Variants in TTPAL observed in about 807,000 individuals in gnomAD.
TTPAL encodes alpha-tocopherol transfer protein-like.
Under a neutral mutation model 28.7 loss-of-function variants are expected in TTPAL, and 21 were observed. The observed-to-expected ratio is 0.73, with a 90% CI of 0.52 to 1.06. The LOEUF (loss-of-function observed/expected upper bound fraction) is 1.06. Among genes scored for constraint, TTPAL ranks in the 50% least tolerant of loss-of-function variants. The pLI, the probability that TTPAL is intolerant of heterozygous loss-of-function variation, is 0.00. For synonymous variants in TTPAL, 169 were observed against 171.9 expected (o/e 0.98, Z 0.13); for missense variants, 345 against 425.5 (o/e 0.81, Z 1.67).
At chr20:44,485,245 ATGTTC>A (rs2064141393) in intron 3 of TTPAL, among the ~76,000 whole-genome samples, 2 of 152,080 alleles carry the variant, frequency 1.3e-5, no homozygotes, top group African/African-American at 4.8e-5. Context: ...TTCACACCTC[ATGTTC>A]TGTGTTTCAG....
At position 44,480,102 on chromosome 20, in the gene TTPAL, C is replaced by T. The variant is rs1347150415; in HGVS notation, c.103C>T (p.Leu35=). 1.2e-6 allele frequency: 2 copies of T among 1,614,210 alleles called. No individual in the cohort carries two copies. Among genetic ancestry groups the T allele is most frequent in the Non-Finnish European group, 1.7e-6 (2 of 1,180,044 alleles). ...PPEPPGYVCS[L]TEDLVTKARE... is the part of the protein sequence containing the mutation. ...TGAGCCTCCGGGCTATGTGTGCTCA[C>T]TGACAGAAGACCTGGTCACCAAAGC... The change falls in exon 2 of 5, where the codon CTG becomes TTG. Residue 35 remains leucine (L), a synonymous_variant. Coordinates refer to ENST00000262605, the MANE Select transcript of TTPAL (RefSeq NM_001039199.3). This position sits in a 1 kb window ranked among gnomAD's most constrained non-coding sequence, Gnocchi z 4.1.
intron 1 of TTPAL, among the ~76,000 whole-genome samples, chr20:44,478,867 G>A (rs73613499): frequency 0.013 from 1,983 of 152,244 alleles, 19 homozygotes; most frequent in East Asian, 0.062. Context: ...TCGGCTCACT[G>A]CAAGCTCTGC....
chr20:44,489,345 C>G lies in TTPAL; in HGVS notation c.833C>G (p.Ala278Gly), dbSNP rs59069332. 5,472 of 1,614,114 alleles carry G rather than the reference C, an allele frequency of 3.4e-3. 156 individuals carry two copies. The African/African-American group carries it at 0.065, about 19-fold the overall frequency. Residue 278 changes from alanine (A) to glycine (G), a missense_variant, in exon 5 of 5, where the codon GCT becomes GGT. By Grantham distance (60) the Ala-to-Gly change is moderately conservative. Coordinates refer to ENST00000262605, the MANE Select transcript of TTPAL (RefSeq NM_001039199.3). ...CTCCCCAAGGAGTATGGGGGCACGG[C>G]TGGGGAGCTGGACACTGCCACCTGG... ...SILPKEYGGT[A>G]GELDTATWNA...
chr20:44,478,660 T>C (rs1283704763), intron 1 of TTPAL: 2 of 152,282 alleles, frequency 1.3e-5, no homozygotes, highest in Non-Finnish European at 2.9e-5. Context: ...AAGTTTCTTA[T>C]ATCTCTTTCC....
Position 44,489,670 on chromosome 20 carries a change from G to T in TTPAL, c.*129G>T. On this transcript the variant is annotated 3_prime_UTR_variant, in exon 5 of 5. Coordinates refer to ENST00000262605, the MANE Select transcript of TTPAL (RefSeq NM_001039199.3). ...AAACTGCAGGATGGAGGAACAGCCT[G>T]AGATATGAGCATGAGCCCATTTTGG... 1 of 1,068,290 alleles carries T rather than the reference G, an allele frequency of 9.4e-7. No homozygotes were observed. The highest frequency in any genetic ancestry group is 1.3e-6 in the Non-Finnish European group (1 of 762,560). The allele number at this position is 1,068,290 out of a possible 1,614,324, so 66.2% of individuals were successfully genotyped here.
In TTPAL at chr20:44,488,480, T is replaced by C. The variant is rs192118459; in HGVS notation, c.751-783T>C. On this transcript the variant is annotated intron_variant, in intron 4 of 4. Coordinates refer to ENST00000262605, the MANE Select transcript of TTPAL (RefSeq NM_001039199.3). The stretch of plus-strand genomic sequence containing the variant: ...GATGAACAAAACAGACCAAAACCCC[T>C]GCCCCTAGGAAAATTATATTCTAAA... Among the ~76,000 whole-genome samples, 140 of 152,244 alleles carry C rather than the reference T, an allele frequency of 9.2e-4. 1 individual carries two copies. Among genetic ancestry groups the C allele is most frequent in the Non-Finnish European group, 5.3e-4 (36 of 68,008 alleles).
Position 44,484,472 on chromosome 20 carries a change from T to C in TTPAL, c.581T>C (p.Leu194Ser). Residue 194 changes from leucine to serine, a missense_variant, in exon 3 of 5, where the codon TTA becomes TCA. Physicochemically the swap from Leu to Ser is moderately radical, Grantham distance 145 (BLOSUM62 -2). Coordinates refer to ENST00000262605, the MANE Select transcript of TTPAL (RefSeq NM_001039199.3). ...VILADYKGVS[L>S]SKASHFGPFI... The stretch of plus-strand genomic sequence containing the variant: ...CTTGCAGACTACAAAGGAGTGAGTT[T>C]ATCAAAAGCATCTCACTTTGGCCCT... The C allele has an allele frequency of 2.5e-6, 4 of 1,596,726 alleles. No individual in the cohort carries two copies. The highest frequency in any genetic ancestry group is 3.4e-6 in the Non-Finnish European group (4 of 1,165,710).
In TTPAL at chr20:44,490,026, G is replaced by A. The variant is rs912430871; in HGVS notation, c.*485G>A. On this transcript the variant is annotated 3_prime_UTR_variant, in exon 5 of 5. Coordinates refer to ENST00000262605, the MANE Select transcript of TTPAL (RefSeq NM_001039199.3). ...GTTTTTCACAGGAACCCTAAGTATA[G>A]ACCTCTGCTGCTCATCAGGAAACTT... 6.1e-6 allele frequency: 1 copy of A among 163,600 alleles called. No homozygotes were observed. Among genetic ancestry groups the A allele is most frequent in the African/African-American group, 2.4e-5 (1 of 41,562 alleles). The allele number at this position is 163,600 out of a possible 1,614,324, so 10.1% of individuals were successfully genotyped here.
At chr20:44,486,545 G>T in intron 3 of TTPAL, 51 bp from the exon 4 acceptor site, 1 of 1,077,440 alleles carries the variant, frequency 9.3e-7, no homozygotes, top group Non-Finnish European at 1.4e-6. Flanking sequence ...GGGGAGGAAG[G>T]TGTGGAAAGA....
Position 44,480,280 on chromosome 20 carries a change from G to A in TTPAL, c.281G>A (p.Arg94Gln), listed in dbSNP as rs2064090996. 3 of 1,614,034 alleles carry A rather than the reference G, an allele frequency of 1.9e-6. No homozygotes were observed. The highest frequency in any genetic ancestry group is 1.3e-5 in the African/African-American group (1 of 74,920). Residue 94 changes from arginine (R) to glutamine (Q), a missense_variant, in exon 2 of 5, where the codon CGG becomes CAG. Transcript: ENST00000262605. The surrounding 1 kb of genome is among the most constrained non-coding windows in gnomAD (Gnocchi z 4.1). ...FLRARKFDYD[R>Q]ALQLLVNYHS... ...CGAGCCCGCAAGTTTGATTACGACCGGGCCCTGCAGCTCCTCGTCAACTAC... is the reference window on the plus strand; with the variant it reads ...CGAGCCCGCAAGTTTGATTACGACCAGGCCCTGCAGCTCCTCGTCAACTAC...
In TTPAL at chr20:44,489,447, T is replaced by C; in HGVS notation, c.935T>C (p.Leu312Pro). 1 of 1,614,238 alleles carries C rather than the reference T, an allele frequency of 6.2e-7. No homozygotes were observed. Among genetic ancestry groups the C allele is most frequent in the East Asian group, 2.2e-5 (1 of 44,886 alleles). Reference protein sequence around the residue: ...CQPVPACDSILGQTLLPEGLT... With the variant: ...CQPVPACDSIPGQTLLPEGLT... ...CCTGTTCCTGCCTGTGACAGCATCC[T>C]GGGCCAGACGCTGCTGCCCGAGGGC... Residue 312 changes from leucine (L) to proline (P), a missense_variant, in exon 5 of 5, where the codon CTG (leucine) becomes CCG (proline). Leu to Pro is a moderately conservative substitution (Grantham distance 98). Transcript: ENST00000262605.
At chr20:44,476,419 T>C (rs2064044215) in intron 1 of TTPAL, among the ~76,000 whole-genome samples, 2 of 151,942 alleles carry the variant, frequency 1.3e-5, no homozygotes, top group African/African-American at 4.8e-5. Context: ...AGGTGGAGGG[T>C]ACAGATTAGA....
intron 3 of TTPAL, 191 bp from the exon 4 acceptor site, chr20:44,486,405 A>G (rs1210853665): frequency 4.2e-6 from 2 of 478,020 alleles, no homozygotes; most frequent in Non-Finnish European, 7.4e-6. Flanking sequence ...CTTCTAACCC[A>G]GTTTTGGGTC....
intron 2 of TTPAL, among the ~76,000 whole-genome samples, chr20:44,482,094 GT>G (rs905744482): frequency 3.3e-5 from 5 of 152,038 alleles, no homozygotes; most frequent in Non-Finnish European, 7.4e-5. Context: ...ACACAGAAAG[GT>G]TTCTTCTCAA....
In TTPAL at chr20:44,490,551, AAG is replaced by A. The variant is rs1188073344; in HGVS notation, c.*1016_*1017del. On this transcript the variant is annotated 3_prime_UTR_variant, in exon 5 of 5. Coordinates refer to ENST00000262605, the MANE Select transcript of TTPAL (RefSeq NM_001039199.3). ...TTGTTTGTGGTACATGTGTCTTTCC[AAG>A]AGAGATGTGTCACCAATTAGCCCTG... 2.0e-5 allele frequency: 3 copies of A among 152,336 alleles called. No homozygotes were observed. The highest frequency in any genetic ancestry group is 4.4e-5 in the Non-Finnish European group (3 of 68,032). 9.4% of individuals were successfully genotyped at this position (152,336 alleles called of 1,614,324 possible).
intron 2 of TTPAL, among the ~76,000 whole-genome samples, chr20:44,481,037 C>T (rs562096167): frequency 3.3e-5 from 5 of 152,216 alleles, no homozygotes; most frequent in African/African-American, 1.2e-4. Flanking sequence ...GGTATCAGTG[C>T]AAGGGTGCGG....
At position 44,489,351 on chromosome 20, in the gene TTPAL, A is replaced by T. The variant is rs1364378331; in HGVS notation, c.839A>T (p.Glu280Val). ...AAGGAGTATGGGGGCACGGCTGGGG[A>T]GCTGGACACTGCCACCTGGAACGCG... ...LPKEYGGTAG[E>V]LDTATWNAVL... The change falls in exon 5 of 5, where the codon GAG becomes GTG. Residue 280 changes from glutamate (E) to valine (V), a missense_variant. Transcript: ENST00000262605. 1 of 1,613,946 alleles carries T rather than the reference A, an allele frequency of 6.2e-7. No individual in the cohort carries two copies. The highest frequency in any genetic ancestry group is 8.5e-7 in the Non-Finnish European group (1 of 1,180,010).
chr20:44,488,123 G>A (rs1038946880), intron 4 of TTPAL, among the ~76,000 whole-genome samples: 5 of 152,150 alleles, frequency 3.3e-5, no homozygotes, highest in African/African-American at 1.2e-4. Context: ...GGTAAGGGAG[G>A]GAACTTGAAA....
intron 1 of TTPAL, among the ~76,000 whole-genome samples, chr20:44,479,582 G>T (rs1301693458): frequency 6.6e-6 from 1 of 152,026 alleles, no homozygotes; most frequent in Non-Finnish European, 1.5e-5. Context: ...TTTTAGTAGA[G>T]ATGGGGTTTC....
Sources: gnomAD v4.1 joint callset for allele counts (sites outside exome capture counted in the v4.1 genomes callset) on GRCh38, gnomAD v4.1.1 for gene constraint, Gnocchi (gnomAD v3.1) non-coding constraint, MANE v1.5 for transcripts, NCBI Gene and HGNC (gene_info 2026-07-23, HGNC 2026-07-21) for gene names.